Variants in SYNPR observed in about 807,000 individuals in gnomAD.
SYNPR encodes the protein synaptoporin.
In SYNPR, 23 loss-of-function variants were observed where a neutral mutation model predicts 32.9. That is an observed-to-expected ratio of 0.70 (90% CI 0.50 to 0.99). The LOEUF is 0.99. SYNPR is among the 50% of genes least tolerant of loss of function. The probability of loss-of-function intolerance (pLI) is 0.00; values close to 1 mark genes in which losing one functional copy is unlikely to be tolerated. For missense variants in SYNPR, 318 were observed against 349.3 expected, an observed-to-expected ratio of 0.91 and a Z score of 0.71; for synonymous variants, 146 against 135.9, an observed-to-expected ratio of 1.07 and a Z score of -0.52.
intron 2 of SYNPR, among the ~76,000 whole-genome samples, chr3:63,375,894 C>G (rs1404797230): frequency 6.6e-6 from 1 of 152,106 alleles, no homozygotes; most frequent in Non-Finnish European, 1.5e-5. Flanking sequence ...CTAAAGTCAT[C>G]TAGGAATTAA....
rs369440747 is a variant in SYNPR at position 63,594,440 on chromosome 3, C to T, written c.409-14685C>T. On this transcript the variant is annotated intron_variant, in intron 4 of 5. Transcript: ENST00000478300. ...ATACATAGTAACAGATAAATGATAG[C>T]CATGTTTATATCATTGCTTAATTTT... 3.9e-5 allele frequency among the ~76,000 whole-genome samples: 6 copies of T among 152,176 alleles called. No individual in the cohort carries two copies. The South Asian group carries it at 8.3e-4, about 21-fold the overall frequency.
Position 63,546,130 on chromosome 3 carries a change from T to G in SYNPR, c.210-10413T>G, listed in dbSNP as rs1481484920. ...ACAGATAACGACCTCAATATCTATT[T>G]TAATTTGACAACGTAGAGGCAGTCT... On this transcript the variant is annotated intron_variant, in intron 3 of 5. Coordinates refer to ENST00000478300, the MANE Select transcript of SYNPR (RefSeq NM_001130003.2). 2.0e-5 allele frequency among the ~76,000 whole-genome samples: 3 copies of G among 152,270 alleles called. No homozygotes were observed. The East Asian group carries it at 5.8e-4, about 29-fold the overall frequency.
At chr3:63,417,370 C>G (rs1022777303) in intron 2 of SYNPR, among the ~76,000 whole-genome samples, 1 of 152,248 alleles carries the variant, frequency 6.6e-6, no homozygotes, top group African/African-American at 2.4e-5. Context: ...CAGGGTGCAG[C>G]CTCCCTCCTG....
At chr3:63,431,337 C>T (rs999139128) in intron 2 of SYNPR, among the ~76,000 whole-genome samples, 10 of 152,022 alleles carry the variant, frequency 6.6e-5, no homozygotes, top group South Asian at 2.1e-4. Flanking sequence ...CAATCAAGTG[C>T]GCAGGGTTTG....
At chr3:63,588,084 T>C (rs999848676) in intron 4 of SYNPR, among the ~76,000 whole-genome samples, 2 of 152,106 alleles carry the variant, frequency 1.3e-5, no homozygotes, top group Non-Finnish European at 2.9e-5. Context: ...TTATCTGCCA[T>C]TGTATGGAGA....
chr3:63,312,998 A>G (rs990249502), intron 2 of SYNPR, among the ~76,000 whole-genome samples: 4 of 152,020 alleles, frequency 2.6e-5, no homozygotes, highest in Admixed American at 1.3e-4. Flanking sequence ...CACAACAGAA[A>G]CTATTGGATT....
At chr3:63,322,111 G>A (rs946858317) in intron 2 of SYNPR, among the ~76,000 whole-genome samples, 2 of 152,006 alleles carry the variant, frequency 1.3e-5, no homozygotes, top group African/African-American at 4.8e-5. Flanking sequence ...GTTAGGAAAA[G>A]CTTCCTGATG....
chr3:63,487,820 G>C (rs982698940), intron 3 of SYNPR, among the ~76,000 whole-genome samples: 3 of 152,178 alleles, frequency 2.0e-5, no homozygotes, highest in Non-Finnish European at 4.4e-5. Flanking sequence ...GGCATCGGTG[G>C]AGTAGGAGAC....
At chr3:63,523,152 C>T (rs928383845) in intron 3 of SYNPR, among the ~76,000 whole-genome samples, 1 of 152,038 alleles carries the variant, frequency 6.6e-6, no homozygotes, top group Non-Finnish European at 1.5e-5. Flanking sequence ...GACGGTGGGG[C>T]GGTGCTGCCC....
chr3:63,526,608 G>C (rs1702018031), intron 3 of SYNPR, among the ~76,000 whole-genome samples: 1 of 152,180 alleles, frequency 6.6e-6, no homozygotes, highest in Non-Finnish European at 1.5e-5. Context: ...AGTAGAGATA[G>C]TCTGCTTTTT....
chr3:63,405,661 G>T (rs2107107924), intron 2 of SYNPR, among the ~76,000 whole-genome samples: 1 of 152,264 alleles, frequency 6.6e-6, no homozygotes, highest in South Asian at 2.1e-4. Context: ...GACCCTTCAG[G>T]CTGCCATGTG....
At chr3:63,218,814 G>C in the SYNPR span, among the ~76,000 whole-genome samples, 1 of 152,196 alleles carries the variant, frequency 6.6e-6, no homozygotes. Context: ...CGGGAGGGCT[G>C]AAAGATATTA....
At chr3:63,460,088 T>C (rs528224561) in intron 2 of SYNPR, among the ~76,000 whole-genome samples, 2 of 152,224 alleles carry the variant, frequency 1.3e-5, no homozygotes, top group South Asian at 4.1e-4. Flanking sequence ...ATTCTCCACA[T>C]AGCAACCAGA....
intron 2 of SYNPR, among the ~76,000 whole-genome samples, chr3:63,337,074 A>G (rs2087304611): frequency 6.6e-6 from 1 of 151,722 alleles, no homozygotes; most frequent in African/African-American, 2.4e-5. Flanking sequence ...TCCACTAAAA[A>G]TCCAAAAATT....
the SYNPR span, chr3:63,203,068 G>GTGTGTA: frequency 3.1e-3 from 339 of 108,508 alleles, 4 homozygotes; most frequent in South Asian, 7.5e-3. Flanking sequence ...ATATGTATGT[G>GTGTGTA]TATATATATA....
upstream of SYNPR, among the ~76,000 whole-genome samples, chr3:63,275,308 T>G (rs1339734869): frequency 6.6e-6 from 1 of 152,202 alleles, no homozygotes; most frequent in Non-Finnish European, 1.5e-5. Flanking sequence ...TACAAAATAT[T>G]TAACATTGCA....
chr3:63,464,133 T>C (rs888674251), intron 2 of SYNPR, among the ~76,000 whole-genome samples: 12 of 152,192 alleles, frequency 7.9e-5, no homozygotes, highest in African/African-American at 2.9e-4. Context: ...GAGTTGTGCA[T>C]TGTGTTTGCT....
intron 3 of SYNPR, among the ~76,000 whole-genome samples, chr3:63,269,808 T>A (rs1415756240): frequency 6.6e-6 from 1 of 152,194 alleles, no homozygotes; most frequent in Non-Finnish European, 1.5e-5. Flanking sequence ...GACACTGAGC[T>A]TAGCAACTAA....
Position 63,404,379 on chromosome 3 carries a change from A to T in SYNPR, c.85-76453A>T, listed in dbSNP as rs913894994. Among the ~76,000 whole-genome samples the T allele has an allele frequency of 7.2e-5, 11 of 152,344 alleles. No individual in the cohort carries two copies. In the East Asian group the frequency reaches 9.6e-4, roughly 13 times the overall value. ...CTTAACAAAGAACTACAACAATGAT[A>T]ATAGTCTCACATGAATTATGTAGTA... On this transcript the variant is annotated intron_variant, in intron 2 of 5. Transcript: ENST00000478300.
Sources: allele counts gnomAD v4.1 joint callset (sites outside exome capture counted in the v4.1 genomes callset), GRCh38; gene constraint gnomAD v4.1.1; transcripts MANE v1.5; gene names NCBI Gene and HGNC (gene_info 2026-07-23, HGNC 2026-07-21).